Variants in SYNPR observed in about 807,000 individuals in gnomAD.
SYNPR encodes synaptoporin.
A neutral mutation model predicts 32.9 loss-of-function variants in SYNPR; 23 were observed. That is an observed-to-expected ratio of 0.70 (90% CI 0.50 to 0.99). The LOEUF (loss-of-function observed/expected upper bound fraction) is 0.99, where lower values mean the gene tolerates loss of function less well. Among genes scored for constraint, SYNPR ranks in the 50% least tolerant of loss-of-function variants. The probability of loss-of-function intolerance (pLI) is 0.00; values close to 1 mark genes in which losing one functional copy is unlikely to be tolerated. For missense variants in SYNPR, 318 were observed against 349.3 expected (o/e 0.91, Z 0.71); for synonymous variants, 146 against 135.9 (o/e 1.07, Z -0.52).
intron 2 of SYNPR, among the ~76,000 whole-genome samples, chr3:63,391,432 G>A (rs1489697537): frequency 6.6e-6 from 1 of 152,166 alleles, no homozygotes; most frequent in Non-Finnish European, 1.5e-5. Flanking sequence ...ACCATTGTCT[G>A]AACTGGAAAA....
intron 2 of SYNPR, among the ~76,000 whole-genome samples, chr3:63,254,175 G>C (rs893318013): frequency 6.6e-6 from 1 of 152,124 alleles, no homozygotes. Context: ...TTGTGGGGTG[G>C]GGGGAGAGGG....
chr3:63,315,031 G>A (rs1248854927), intron 2 of SYNPR, among the ~76,000 whole-genome samples: 1 of 151,974 alleles, frequency 6.6e-6, no homozygotes, highest in Non-Finnish European at 1.5e-5. Flanking sequence ...CTTTGTCAAA[G>A]TTCAGTTGGC....
At chr3:63,544,495 A>G (rs958710768) in intron 3 of SYNPR, among the ~76,000 whole-genome samples, 2 of 152,060 alleles carry the variant, frequency 1.3e-5, no homozygotes, top group Non-Finnish European at 2.9e-5. Context: ...TATTTATTTC[A>G]TTATAATCTG....
chr3:63,369,544 C>T (rs2087770258), intron 2 of SYNPR, among the ~76,000 whole-genome samples: 1 of 152,134 alleles, frequency 6.6e-6, no homozygotes, highest in Non-Finnish European at 1.5e-5. Context: ...TTTTCTAAAA[C>T]ATTTTAATAT....
At chr3:63,427,776 T>G (rs1267983790) in intron 2 of SYNPR, among the ~76,000 whole-genome samples, 1 of 152,216 alleles carries the variant, frequency 6.6e-6, no homozygotes, top group African/African-American at 2.4e-5. Context: ...TCTGGATATG[T>G]GGCTTGAGAA....
intron 4 of SYNPR, among the ~76,000 whole-genome samples, chr3:63,595,053 G>C (rs1699909701): frequency 6.6e-6 from 1 of 152,052 alleles, no homozygotes; most frequent in African/African-American, 2.4e-5. Flanking sequence ...ACTGAGGTAG[G>C]GTGTGAACCA....
At chr3:63,436,913 G>C (rs1287820589) in intron 2 of SYNPR, among the ~76,000 whole-genome samples, 1 of 152,040 alleles carries the variant, frequency 6.6e-6, no homozygotes, top group Non-Finnish European at 1.5e-5. Context: ...GTCTTGCTCT[G>C]TTGCCCGGGC....
the SYNPR span, among the ~76,000 whole-genome samples, chr3:63,211,374 T>C: frequency 0.36 from 54,668 of 152,030 alleles, 10,303 homozygotes; most frequent in African/African-American, 0.47. Flanking sequence ...GCCAAGACCT[T>C]CTTTTACTTC....
intron 2 of SYNPR, among the ~76,000 whole-genome samples, chr3:63,339,245 G>A (rs567660043): frequency 6.6e-6 from 1 of 152,294 alleles, no homozygotes; most frequent in East Asian, 1.9e-4. Context: ...CCAGGCACAA[G>A]TAGTAAACAA....
intron 3 of SYNPR, among the ~76,000 whole-genome samples, chr3:63,537,309 C>A (rs1252946402): frequency 1.3e-5 from 2 of 152,052 alleles, no homozygotes; most frequent in Non-Finnish European, 2.9e-5. Context: ...CACTTCAACC[C>A]CTTTCGTGCC....
chr3:63,356,538 C>A (rs2087580027), intron 2 of SYNPR, among the ~76,000 whole-genome samples: 1 of 152,218 alleles, frequency 6.6e-6, no homozygotes, highest in African/African-American at 2.4e-5. Flanking sequence ...ACAATTTGCT[C>A]AAGGTCAGTC....
Position 63,313,800 on chromosome 3 carries a change from TATATATATCCATATATATATCC to T in SYNPR, c.84+35067_84+35088del, listed in dbSNP as rs1560188809. 2.0e-3 allele frequency among the ~76,000 whole-genome samples: 74 copies of T among 36,214 alleles called. 5 individuals are homozygous for T. Among genetic ancestry groups the T allele is most frequent in the Non-Finnish European group, 2.5e-3 (51 of 20,696 alleles). 23.8% of individuals were successfully genotyped at this position (36,214 alleles called of 152,430 possible). A position where few individuals can be genotyped will look rare whatever the true frequency, so the allele number is the denominator to read the frequency against. On this transcript the variant is annotated intron_variant, in intron 2 of 5. Transcript: ENST00000478300. Reference sequence around the variant, plus strand: ...ATATATATCCATATATATATATCCATATATATATCCATATATATATCCATATATATATCCATATATATATATC... The same window carrying T: ...ATATATATCCATATATATATATCCATATATATATATCCATATATATATATC...
chr3:63,322,745 A>G (rs1382064392), intron 2 of SYNPR, among the ~76,000 whole-genome samples: 3 of 152,076 alleles, frequency 2.0e-5, no homozygotes, highest in Non-Finnish European at 4.4e-5. Flanking sequence ...GGCCAAAGAC[A>G]TTCAGTCCTC....
intron 2 of SYNPR, among the ~76,000 whole-genome samples, chr3:63,405,902 T>C (rs1668603952): frequency 6.6e-6 from 1 of 152,210 alleles, no homozygotes; most frequent in Non-Finnish European, 1.5e-5. Context: ...GTGCAAATAA[T>C]AGCACTGGTT....
intron 2 of SYNPR, among the ~76,000 whole-genome samples, chr3:63,320,858 T>G (rs1316432422): frequency 6.6e-6 from 1 of 152,114 alleles, no homozygotes; most frequent in African/African-American, 2.4e-5. Flanking sequence ...ATCTGTGAAA[T>G]GAAGTTACAC....
At chr3:63,360,086 A>G (rs1208468133) in intron 2 of SYNPR, among the ~76,000 whole-genome samples, 1 of 152,216 alleles carries the variant, frequency 6.6e-6, no homozygotes, top group Non-Finnish European at 1.5e-5. Flanking sequence ...CATCTCCACC[A>G]AAATGGATCA....
intron 4 of SYNPR, among the ~76,000 whole-genome samples, chr3:63,586,182 T>C (rs1034429822): frequency 2.0e-5 from 3 of 152,024 alleles, no homozygotes; most frequent in African/African-American, 7.2e-5. Context: ...TATGACAGAA[T>C]AATGGGTCTT....
chr3:63,483,492 G>A (rs1017724363), intron 3 of SYNPR, among the ~76,000 whole-genome samples: 3 of 152,072 alleles, frequency 2.0e-5, no homozygotes, highest in Non-Finnish European at 4.4e-5. Context: ...CAGTTAACAG[G>A]GATTACTTTT....
chr3:63,436,920 G>A (rs1204843888), intron 2 of SYNPR, among the ~76,000 whole-genome samples: 8 of 151,864 alleles, frequency 5.3e-5, no homozygotes, highest in African/African-American at 9.7e-5. Context: ...TCTGTTGCCC[G>A]GGCTGAAGTG....
Sources: gnomAD v4.1 joint callset for allele counts (sites outside exome capture counted in the v4.1 genomes callset) on GRCh38, gnomAD v4.1.1 for gene constraint, MANE v1.5 for transcripts, NCBI Gene and HGNC (gene_info 2026-07-23, HGNC 2026-07-21) for gene names.